SLC22A25: variants seen among roughly 807,000 people sequenced by gnomAD.
SLC22A25 encodes MGI:2442751, MGI:2385316, MGI:3042283, MGI:3645714, MGI:3605624, MGI:2442750.
SLC22A25 carries 44 observed loss-of-function variants against 45.9 expected under a neutral mutation model. The observed-to-expected ratio is 0.96, with a 90% CI of 0.75 to 1.23. The LOEUF (loss-of-function observed/expected upper bound fraction) is 1.23. Among genes scored for constraint, SLC22A25 ranks in the 50% most tolerant of loss-of-function variants. SLC22A25 has a pLI of 0.00. For missense variants in SLC22A25, 800 were observed against 666.4 expected, an observed-to-expected ratio of 1.20 and a Z score of -2.21; for synonymous variants, 283 against 238.6, an observed-to-expected ratio of 1.19 and a Z score of -1.72.
intron 3 of SLC22A25, among the ~76,000 whole-genome samples, chr11:63,234,449 A>G (rs1178233713): frequency 6.6e-6 from 1 of 152,166 alleles, no homozygotes; most frequent in Non-Finnish European, 1.5e-5. Flanking sequence ...ATCAGAGACT[A>G]GGATTGCAAC....
chr11:63,172,760 A>G (rs191183169), intron 9 of SLC22A25, among the ~76,000 whole-genome samples: 1 of 151,510 alleles, frequency 6.6e-6, no homozygotes, highest in Non-Finnish European at 1.5e-5. Flanking sequence ...ACAATTTTAC[A>G]CTGTTGGTGG....
At chr11:63,176,950 A>G (rs2088110330) in intron 9 of SLC22A25, among the ~76,000 whole-genome samples, 1 of 151,980 alleles carries the variant, frequency 6.6e-6, no homozygotes, top group African/African-American at 2.4e-5. Flanking sequence ...GTGTTGACAG[A>G]TTCACTCAGT....
Position 63,199,089 on chromosome 11 carries a change from G to A in SLC22A25, c.831-15272C>T, listed in dbSNP as rs531872752. ...TGAAGGAGATTGAGACACAGAAGCC[G>A]TTCAAAAGATGAACTAATAAAGATT... is the stretch of plus-strand genomic sequence containing the variant. On this transcript the variant is annotated intron_variant, in intron 7 of 11. Coordinates refer to ENST00000306494, the MANE Select transcript of SLC22A25 (RefSeq NM_199352.6). 3.9e-5 allele frequency among the ~76,000 whole-genome samples: 6 copies of A among 151,992 alleles called. No homozygotes were observed. In the South Asian group the frequency reaches 6.2e-4, roughly 16 times the overall value.
At chr11:63,212,595 C>G (rs1405712814) in intron 7 of SLC22A25, among the ~76,000 whole-genome samples, 2 of 139,680 alleles carry the variant, frequency 1.4e-5, no homozygotes, top group African/African-American at 5.4e-5. Context: ...CATGTTCTCA[C>G]TTATAGGTGG....
At chr11:63,164,476 T>G in intron 11 of SLC22A25, 50 bp downstream of exon 11, 1 of 1,496,960 alleles carries the variant, frequency 6.7e-7, no homozygotes, top group Non-Finnish European at 9.3e-7. Context: ...TGTCAATTGG[T>G]TGAGACAGGT....
At chr11:63,164,677 A>ATTCCTTCAGCTC in intron 10 of SLC22A25, 43 bp from the exon 11 acceptor site, 1 of 1,493,028 alleles carries the variant, frequency 6.7e-7, no homozygotes, top group Non-Finnish European at 9.3e-7. Context: ...ATCTGAGCTG[A>ATTCCTTCAGCTC]AGGAATCAGC....
intron 1 of SLC22A25, among the ~76,000 whole-genome samples, chr11:63,241,494 C>T (rs1019742713): frequency 2.0e-5 from 3 of 152,158 alleles, no homozygotes; most frequent in Non-Finnish European, 2.9e-5. Flanking sequence ...TTCCTATTAT[C>T]CAATCTTTCT....
chr11:63,180,094 G>C (rs776082858), intron 9 of SLC22A25, among the ~76,000 whole-genome samples: 1 of 152,116 alleles, frequency 6.6e-6, no homozygotes, highest in African/African-American at 2.4e-5. Flanking sequence ...TTTTGGTTTC[G>C]TGCTCATCTG....
chr11:63,210,594 G>T (rs898939621), intron 7 of SLC22A25, among the ~76,000 whole-genome samples: 3 of 152,182 alleles, frequency 2.0e-5, no homozygotes, highest in Non-Finnish European at 2.9e-5. Flanking sequence ...GACCTGATTG[G>T]CTTAGGGGGC....
intron 7 of SLC22A25, among the ~76,000 whole-genome samples, chr11:63,213,702 T>A (rs1177042310): frequency 6.6e-6 from 1 of 152,122 alleles, no homozygotes; most frequent in African/African-American, 2.4e-5. Flanking sequence ...GAAACCCGAT[T>A]GGAAGGGCAG....
At chr11:63,198,413 C>G (rs886430988) in intron 7 of SLC22A25, among the ~76,000 whole-genome samples, 3 of 152,104 alleles carry the variant, frequency 2.0e-5, no homozygotes, top group African/African-American at 7.2e-5. Context: ...ACTTCATATC[C>G]TTTGTAGGAA....
chr11:63,173,263 T>C (rs371675556), intron 9 of SLC22A25, among the ~76,000 whole-genome samples: 1 of 152,072 alleles, frequency 6.6e-6, no homozygotes, highest in African/African-American at 2.4e-5. Flanking sequence ...AAATACCTAA[T>C]GCATACATGG....
chr11:63,200,474 CTG>C (rs2089203642), intron 7 of SLC22A25, among the ~76,000 whole-genome samples: 1 of 151,196 alleles, frequency 6.6e-6, no homozygotes, highest in Admixed American at 6.6e-5. Flanking sequence ...TTAAAAAAAA[CTG>C]TCAATAAACT....
Position 63,163,106 on chromosome 11 carries a change from G to A in SLC22A25, c.*718C>T, listed in dbSNP as rs566796235. 6.6e-4 allele frequency among the ~76,000 whole-genome samples: 101 copies of A among 152,202 alleles called. No individual in the cohort carries two copies. The highest frequency in any genetic ancestry group is 1.3e-3 in the Non-Finnish European group (88 of 68,040). On this transcript the variant is annotated 3_prime_UTR_variant, in exon 12 of 12. Transcript: ENST00000306494. ...ATAAAAAACATGCCTCTGCCCGCAA[G>A]TGTTTGTGTAAACCTTGTGAAGTAA...
intron 3 of SLC22A25, among the ~76,000 whole-genome samples, chr11:63,235,978 G>A (rs1024761575): frequency 6.6e-6 from 1 of 152,150 alleles, no homozygotes; most frequent in African/African-American, 2.4e-5. Context: ...AACTGCAAAT[G>A]CTGCTGCCTG....
intron 9 of SLC22A25, among the ~76,000 whole-genome samples, chr11:63,179,548 C>T (rs2088243900): frequency 6.6e-6 from 1 of 152,216 alleles, no homozygotes; most frequent in South Asian, 2.1e-4. Flanking sequence ...CAATCTCTTG[C>T]TTTCTGTGGT....
rs185155448 is a variant in SLC22A25 at position 63,159,847 on chromosome 11, G to A, written c.*3977C>T. On this transcript the variant is annotated 3_prime_UTR_variant, in exon 12 of 12. Transcript: ENST00000306494. ...GGCTGAGGTGGTCTCAGATGAAGAT[G>A]AAGAACTTGTTGGTAACTGGAGTAA... Among the ~76,000 whole-genome samples the A allele has an allele frequency of 2.6e-3, 402 of 152,316 alleles. 1 individual carries two copies. The highest frequency in any genetic ancestry group is 8.3e-3 in the African/African-American group (345 of 41,568).
rs1341412952 is a variant in SLC22A25, at chr11:63,229,401, C to A, written c.252G>T (p.Arg84Ser). ...GGACAAAGCGACGACACTTCTCTGGCCTCAGATTTGAGTCGAATGGGATGG... is the reference window on the plus strand; with the variant it reads ...GGACAAAGCGACGACACTTCTCTGGACTCAGATTTGAGTCGAATGGGATGG... ...RISIPFDSNL[R>S]PEKCRRFVHP... The change falls in exon 4 of 12, where the codon AGG becomes AGT. Residue 84 changes from arginine to serine, a missense_variant. Physicochemically the swap from Arg to Ser is moderately radical, Grantham distance 110. Transcript: ENST00000306494. 1.2e-6 allele frequency: 2 copies of A among 1,613,956 alleles called. No homozygotes were observed. The highest frequency in any genetic ancestry group is 1.7e-6 in the Non-Finnish European group (2 of 1,179,984).
chr11:63,158,871 C>T lies in SLC22A25; in HGVS notation c.*4953G>A, dbSNP rs573815504. Among the ~76,000 whole-genome samples, 60 of 152,126 alleles carry T rather than the reference C, an allele frequency of 3.9e-4. No individual in the cohort carries two copies. Among genetic ancestry groups the T allele is most frequent in the Admixed American group, 9.2e-4 (14 of 15,280 alleles). ...CATTCTTTCCAACTTCCTTTTTTCCCCCCATTAACTATTCCCACTTCCCCT... is the reference window on the plus strand; with the variant it reads ...CATTCTTTCCAACTTCCTTTTTTCCTCCCATTAACTATTCCCACTTCCCCT... On this transcript the variant is annotated 3_prime_UTR_variant, in exon 12 of 12. Transcript: ENST00000306494.
Sources: gnomAD v4.1 joint callset for allele counts (sites outside exome capture counted in the v4.1 genomes callset) on GRCh38, gnomAD v4.1.1 for gene constraint, MANE v1.5 for transcripts, NCBI Gene and HGNC (gene_info 2026-07-23, HGNC 2026-07-21) for gene names.